The following MAML3 variants were observed in gnomAD, a reference collection of about 807,000 sequenced individuals.
MAML3 encodes the protein mastermind-like protein 3.
In MAML3, 27 loss-of-function variants were observed where a neutral mutation model predicts 101.9. The ratio of observed to expected loss-of-function variants is 0.27; its 90% CI spans 0.20 to 0.37. MAML3 has a LOEUF of 0.37. Ranked by LOEUF, MAML3 falls within the 10% of genes least tolerant of loss-of-function variation. The pLI is 1.00. For synonymous variants in MAML3, 501 were observed against 555.9 expected, an observed-to-expected ratio of 0.90 and a Z score of 1.39; for missense variants, 1,316 against 1,444.9, an observed-to-expected ratio of 0.91 and a Z score of 1.45.
chr4:139,867,598 A>G (rs886172797), intron 2 of MAML3, among the ~76,000 whole-genome samples: 4 of 152,220 alleles, frequency 2.6e-5, no homozygotes, highest in African/African-American at 9.6e-5. Context: ...TTAAACATCA[A>G]ATGTGAGATC....
In MAML3 at chr4:139,869,648, C is replaced by T. The variant is rs568410362; in HGVS notation, c.2079+19709G>A. 7.9e-5 allele frequency among the ~76,000 whole-genome samples: 12 copies of T among 152,268 alleles called. No homozygotes were observed. The South Asian group carries it at 2.5e-3, about 32-fold the overall frequency. The stretch of plus-strand genomic sequence containing the variant: ...GACCAACCAAATACCACCCCACCCC[C>T]GCGGCCAAACTCCAACAAAACACAC... On this transcript the variant is annotated intron_variant, in intron 2 of 4. Coordinates refer to ENST00000509479, the MANE Select transcript of MAML3 (RefSeq NM_018717.5).
At position 139,890,404 on chromosome 4, in the gene MAML3, T is replaced by A; in HGVS notation, c.1032A>T (p.Pro344=). ...EEKKEPEFSQ[P]ATETPLSQES... ...CCTGGGAGAGAGGGGTCTCAGTTGC[T>A]GGCTGCGAGAATTCTGGCTCCTTCT... The change falls in exon 2 of 5, where the codon CCA becomes CCT. Residue 344 remains proline, a synonymous_variant. Transcript: ENST00000509479. This position sits in a 1 kb window ranked among gnomAD's most constrained non-coding sequence, Gnocchi z 4.1. 6.2e-7 allele frequency: 1 copy of A among 1,604,684 alleles called. No individual in the cohort carries two copies. The highest frequency in any genetic ancestry group is 8.5e-7 in the Non-Finnish European group (1 of 1,173,590).
chr4:139,778,628 G>A (rs1047083234), intron 2 of MAML3, among the ~76,000 whole-genome samples: 8 of 152,170 alleles, frequency 5.3e-5, no homozygotes, highest in Non-Finnish European at 1.2e-4. Flanking sequence ...TCCTGAGGGC[G>A]AATCTCTAGC....
chr4:139,732,384 A>G (rs7685341), intron 2 of MAML3, among the ~76,000 whole-genome samples: 39,861 of 151,964 alleles, frequency 0.26, 5,424 homozygotes, highest in East Asian at 0.32. Context: ...ACTGACTTCA[A>G]CTGCATCTTC....
intron 2 of MAML3, among the ~76,000 whole-genome samples, chr4:139,798,290 A>G (rs561059281): frequency 6.6e-6 from 1 of 152,352 alleles, no homozygotes; most frequent in Non-Finnish European, 1.5e-5. Context: ...GTTGAGCCAT[A>G]TGAAACTGCT....
intron 2 of MAML3, among the ~76,000 whole-genome samples, chr4:139,756,710 T>C (rs1729657993): frequency 6.6e-6 from 1 of 152,188 alleles, no homozygotes; most frequent in African/African-American, 2.4e-5. Context: ...AACTTTTTGC[T>C]CTGAATTGAG....
At position 139,861,477 on chromosome 4, in the gene MAML3, A is replaced by ATGTGTGTGTGTGTGTGTGTGTGTG. The variant is rs55851938; in HGVS notation, c.2079+27856_2079+27879dup. Among the ~76,000 whole-genome samples, 143 of 146,490 alleles carry ATGTGTGTGTGTGTGTGTGTGTGTG rather than the reference A, an allele frequency of 9.8e-4. 1 individual carries two copies. Among genetic ancestry groups the ATGTGTGTGTGTGTGTGTGTGTGTG allele is most frequent in the African/African-American group, 3.5e-3 (139 of 39,218 alleles). On this transcript the variant is annotated intron_variant, in intron 2 of 4. Coordinates refer to ENST00000509479, the MANE Select transcript of MAML3 (RefSeq NM_018717.5). ...AGATGTATGAATGTCTAACCAGCCGATGTGTGTGTGTGTGTGTGTGTGTGT... is the reference window on the plus strand; with the variant it reads ...AGATGTATGAATGTCTAACCAGCCGATGTGTGTGTGTGTGTGTGTGTGTGTGTGTGTGTGTGTGTGTGTGTGTGT...
chr4:139,987,290 A>G (rs1019591113), intron 1 of MAML3, among the ~76,000 whole-genome samples: 4 of 152,192 alleles, frequency 2.6e-5, no homozygotes, highest in Non-Finnish European at 4.4e-5. Flanking sequence ...CAGTTTTTTG[A>G]AAGCAAACAG....
rs939753355 is a variant in MAML3, at chr4:140,154,127, GCCT to G, written c.-803_-801del. The G allele has an allele frequency of 8.5e-4, 152 of 179,004 alleles. No individual in the cohort carries two copies. Among genetic ancestry groups the G allele is most frequent in the South Asian group, 2.1e-3 (21 of 9,996 alleles). The allele number at this position is 179,004 out of a possible 1,614,324, so 11.1% of individuals were successfully genotyped here. A position where few individuals can be genotyped will look rare whatever the true frequency, so the allele number is the denominator to read the frequency against. ...ACTGCTCGCCGCCGCCGCCGCCGCC[GCCT>G]CCTCCTCCTCCTCTCGCTCCTCCAC... On this transcript the variant is annotated 5_prime_UTR_variant, in exon 1 of 5. Transcript: ENST00000509479.
At chr4:139,990,105 G>C (rs1422037006) in intron 1 of MAML3, among the ~76,000 whole-genome samples, 1 of 152,118 alleles carries the variant, frequency 6.6e-6, no homozygotes, top group African/African-American at 2.4e-5. Flanking sequence ...TTCAGAGTCT[G>C]AAGTATTGCT....
At chr4:139,832,197 C>T (rs112989265) in intron 2 of MAML3, among the ~76,000 whole-genome samples, 7 of 150,178 alleles carry the variant, frequency 4.7e-5, no homozygotes, top group Admixed American at 2.0e-4. Context: ...CTCCACCTCC[C>T]GGGTTCAAGT....
In MAML3 at chr4:139,769,916, C is replaced by CT. The variant is rs139445743; in HGVS notation, c.2080-39250dup. Among the ~76,000 whole-genome samples, 652 of 132,264 alleles carry CT rather than the reference C, an allele frequency of 4.9e-3. 5 individuals carry two copies. The highest frequency in any genetic ancestry group is 0.017 in the African/African-American group (586 of 34,750). The allele number at this position is 132,264 out of a possible 152,430, so 86.8% of individuals were successfully genotyped here. The stretch of plus-strand genomic sequence containing the variant: ...AGGCGTGAGCCATCGCGCCCAGCCT[C>CT]TTTTTTTTTTTTTTTTTTTTAAAGA... On this transcript the variant is annotated intron_variant, in intron 2 of 4. Transcript: ENST00000509479.
chr4:140,047,396 A>G (rs899620247), intron 1 of MAML3, among the ~76,000 whole-genome samples: 1 of 152,180 alleles, frequency 6.6e-6, no homozygotes, highest in African/African-American at 2.4e-5. Context: ...AAGAGAAGCA[A>G]GAGGAGCTGG....
chr4:140,039,484 C>T (rs1487661595), intron 1 of MAML3, among the ~76,000 whole-genome samples: 2 of 152,166 alleles, frequency 1.3e-5, no homozygotes, highest in East Asian at 3.9e-4. Flanking sequence ...AGAAGCATTA[C>T]CATTCTCTGA....
Position 140,073,387 on chromosome 4 carries a change from G to T in MAML3, c.468+79473C>A, listed in dbSNP as rs532600901. Among the ~76,000 whole-genome samples the T allele has an allele frequency of 1.2e-4, 19 of 152,110 alleles. No homozygotes were observed. In the East Asian group the frequency reaches 1.9e-3, roughly 16 times the overall value. The stretch of plus-strand genomic sequence containing the variant: ...TCCTGACCTCAAGTGATCCACCCAC[G>T]TAGGTCTCCCAAAGTGCTGGGATTA... On this transcript the variant is annotated intron_variant, in intron 1 of 4. Coordinates refer to ENST00000509479, the MANE Select transcript of MAML3 (RefSeq NM_018717.5).
chr4:139,767,189 C>G (rs1435188587), intron 2 of MAML3, among the ~76,000 whole-genome samples: 1 of 152,218 alleles, frequency 6.6e-6, no homozygotes, highest in Non-Finnish European at 1.5e-5. Flanking sequence ...TTGGGTCAGG[C>G]CTACCACTCA....
chr4:139,912,323 C>G (rs369676685), intron 1 of MAML3, among the ~76,000 whole-genome samples: 1 of 152,040 alleles, frequency 6.6e-6, no homozygotes. Context: ...TCTCAATGAC[C>G]TTGACACAAG....
intron 1 of MAML3, among the ~76,000 whole-genome samples, chr4:139,960,714 C>T (rs1024211182): frequency 2.0e-5 from 3 of 152,198 alleles, no homozygotes; most frequent in Non-Finnish European, 2.9e-5. Flanking sequence ...CTCCTGACAT[C>T]CTTAGCTTTT....
chr4:139,932,051 G>C (rs991630410), intron 1 of MAML3, among the ~76,000 whole-genome samples: 1 of 151,872 alleles, frequency 6.6e-6, no homozygotes, highest in South Asian at 2.1e-4. Context: ...ATAATTTTTT[G>C]ATTTGCTTAC....
Sources: gnomAD v4.1 joint callset for allele counts (sites outside exome capture counted in the v4.1 genomes callset) on GRCh38, gnomAD v4.1.1 for gene constraint, Gnocchi (gnomAD v3.1) non-coding constraint, MANE v1.5 for transcripts, NCBI Gene and HGNC (gene_info 2026-07-23, HGNC 2026-07-21) for gene names.